The following HBS1L variants were observed in gnomAD, a reference collection of about 807,000 sequenced individuals.
The protein encoded by HBS1L is HBS1 like translational GTPase, also known as HBS1-like protein.
HBS1L carries 55 observed loss-of-function variants against 88.9 expected under a neutral mutation model. That is an observed-to-expected ratio of 0.62 (90% CI 0.50 to 0.77). The LOEUF (loss-of-function observed/expected upper bound fraction) is 0.77. Ranked by LOEUF, HBS1L falls within the 30% of genes least tolerant of loss-of-function variation. The pLI is 0.00. For missense variants in HBS1L, 741 were observed against 829.3 expected (o/e 0.89, Z 1.31); for synonymous variants, 267 against 288.5 (o/e 0.93, Z 0.76).
Position 134,982,577 on chromosome 6 carries a change from A to G in HBS1L, c.1493-15T>C, listed in dbSNP as rs1272349318. Reference sequence around the variant, plus strand: ...AGATCCTTGATCTGCAAAACATACCAAAATCTTATGGTTCATACAGCAATG... The same window carrying G: ...AGATCCTTGATCTGCAAAACATACCGAAATCTTATGGTTCATACAGCAATG... On this transcript the variant is annotated splice_polypyrimidine_tract_variant and intron_variant, in intron 12 of 17. Transcript: ENST00000367837. 1 of 1,450,966 alleles carries G rather than the reference A, an allele frequency of 6.9e-7. No homozygotes were observed. Among genetic ancestry groups the G allele is most frequent in the Admixed American group, 1.7e-5 (1 of 59,302 alleles). 89.9% of individuals were successfully genotyped at this position (1,450,966 alleles called of 1,614,324 possible).
chr6:135,050,788 ACT>A, intron 1 of HBS1L, 141 bp from the exon 2 acceptor site: 1 of 597,272 alleles, frequency 1.7e-6, no homozygotes, highest in Non-Finnish European at 3.0e-6. Context: ...TTTCAAAAAA[ACT>A]CTTAAGAATT....
Position 135,042,152 on chromosome 6 carries a change from GCTATGGTATAGC to G in HBS1L, c.110-38_110-27del, listed in dbSNP as rs773441546. The G allele has an allele frequency of 2.0e-4, 313 of 1,604,310 alleles. 1 individual carries two copies. The Middle Eastern group carries it at 4.1e-3, about 21-fold the overall frequency. On this transcript the variant is annotated intron_variant, in intron 2 of 17. Coordinates refer to ENST00000367837, the MANE Select transcript of HBS1L (RefSeq NM_006620.4). ...CTAGAATATAAAATGATCAAAGAAT[GCTATGGTATAGC>G]CATTTCCTATTAACTTTTTTTTACA...
intron 2 of HBS1L, among the ~76,000 whole-genome samples, chr6:135,043,118 T>C (rs184327160): frequency 5.3e-5 from 8 of 152,346 alleles, no homozygotes; most frequent in South Asian, 4.1e-4. Flanking sequence ...TGCCTGAGTA[T>C]CATAAATGAA....
intron 4 of HBS1L, among the ~76,000 whole-genome samples, chr6:135,006,911 A>G (rs1030357005): frequency 4.6e-5 from 7 of 151,370 alleles, no homozygotes; most frequent in African/African-American, 1.5e-4. Context: ...AAAGAAGAGG[A>G]AAAAAAAACA....
chr6:134,979,014 C>A (rs1774737218), intron 14 of HBS1L, among the ~76,000 whole-genome samples, 164 bp downstream of exon 14: 1 of 152,070 alleles, frequency 6.6e-6, no homozygotes, highest in African/African-American at 2.4e-5. Flanking sequence ...TGTGTGCTGA[C>A]ATGTATTAAT....
chr6:135,039,583 C>A lies in HBS1L; in HGVS notation c.420G>T (p.Lys140Asn). ...CAAGTAAAGGCATACCTTTTGCTATCTTTCCTGTAGATACTGTTGCCTCAT... is the reference window on the plus strand; with the variant it reads ...CAAGTAAAGGCATACCTTTTGCTATATTTCCTGTAGATACTGTTGCCTCAT... ...DKNEATVSTG[K>N]IAKGKPVDSQ... Residue 140 changes from lysine (K) to asparagine (N), a missense_variant, in exon 4 of 18, where the codon AAG becomes AAT. Lys to Asn is a moderately conservative substitution (Grantham distance 94, BLOSUM62 0). This residue lies in a region of HBS1L where 556 missense variants were observed against 598.4 expected (regional missense o/e 0.93). Transcript: ENST00000367837. The A allele has an allele frequency of 6.2e-7, 1 of 1,613,384 alleles. No homozygotes were observed. Among genetic ancestry groups the A allele is most frequent in the South Asian group, 1.1e-5 (1 of 90,896 alleles).
At chr6:135,054,298 A>G (rs971984037) in intron 1 of HBS1L, among the ~76,000 whole-genome samples, 1 of 152,266 alleles carries the variant, frequency 6.6e-6, no homozygotes, top group Non-Finnish European at 1.5e-5. Flanking sequence ...GGGAGAGAGG[A>G]GCTAGAAGCA....
intron 15 of HBS1L, among the ~76,000 whole-genome samples, chr6:134,972,101 G>A (rs1774507017): frequency 6.6e-6 from 1 of 152,068 alleles, no homozygotes; most frequent in African/African-American, 2.4e-5. Context: ...CCTTTCTAAA[G>A]TTCTAACATT....
intron 15 of HBS1L, among the ~76,000 whole-genome samples, chr6:134,971,719 C>G (rs1774493853): frequency 6.6e-6 from 1 of 151,826 alleles, no homozygotes; most frequent in Non-Finnish European, 1.5e-5. Context: ...TAATGTGCAG[C>G]ATAGTGTAAT....
At chr6:135,050,905 C>G (rs1483720115) in intron 1 of HBS1L, among the ~76,000 whole-genome samples, 9 of 152,210 alleles carry the variant, frequency 5.9e-5, no homozygotes, top group African/African-American at 2.2e-4. Context: ...GTTTTCACCT[C>G]ATAGGATCAA....
chr6:134,961,254 C>T lies in HBS1L; in HGVS notation c.*4025G>A, dbSNP rs1774182826. On this transcript the variant is annotated 3_prime_UTR_variant, in exon 18 of 18. Coordinates refer to ENST00000367837, the MANE Select transcript of HBS1L (RefSeq NM_006620.4). Reference sequence around the variant, plus strand: ...ACTTAATGCTTTTCTTTCCCTATTTCATATCCCCATATTTGGTGCAATAAT... The same window carrying T: ...ACTTAATGCTTTTCTTTCCCTATTTTATATCCCCATATTTGGTGCAATAAT... 1 of 152,118 alleles carries T rather than the reference C, an allele frequency of 6.6e-6. No individual in the cohort carries two copies. The highest frequency in any genetic ancestry group is 2.4e-5 in the African/African-American group (1 of 41,426). 9.4% of individuals were successfully genotyped at this position (152,118 alleles called of 1,614,324 possible).
At chr6:135,020,623 TA>T (rs1776044988) in intron 4 of HBS1L, among the ~76,000 whole-genome samples, 1 of 151,994 alleles carries the variant, frequency 6.6e-6, no homozygotes, top group African/African-American at 2.4e-5. Flanking sequence ...CTATTATGAA[TA>T]ATAATTAAAT....
In HBS1L at chr6:135,033,711, T is replaced by C. The variant is rs150492354; in HGVS notation, c.430+5862A>G. Reference sequence around the variant, plus strand: ...GGTCTACTATATGGTTTTAAAAGTATTGCATTTCCACTTGAAAATTACTTT... The same window carrying C: ...GGTCTACTATATGGTTTTAAAAGTACTGCATTTCCACTTGAAAATTACTTT... On this transcript the variant is annotated intron_variant, in intron 4 of 17. Coordinates refer to ENST00000367837, the MANE Select transcript of HBS1L (RefSeq NM_006620.4). Among the ~76,000 whole-genome samples the C allele has an allele frequency of 4.1e-3, 620 of 152,318 alleles. 2 individuals are homozygous for C. The highest frequency in any genetic ancestry group is 0.02 in the Middle Eastern group (6 of 294).
At chr6:134,996,590 T>C (rs1425430951) in intron 7 of HBS1L, among the ~76,000 whole-genome samples, 187 bp downstream of exon 7, 1 of 152,138 alleles carries the variant, frequency 6.6e-6, no homozygotes, top group Non-Finnish European at 1.5e-5. Context: ...TCTATAAAAT[T>C]CAGAAGAGTA....
chr6:135,029,333 GTA>G (rs1292847166), intron 4 of HBS1L, among the ~76,000 whole-genome samples: 2 of 126,654 alleles, frequency 1.6e-5, no homozygotes, highest in African/African-American at 2.7e-5. Flanking sequence ...AATTTCCTTA[GTA>G]TATAAATATG....
chr6:135,002,690 C>T, intron 5 of HBS1L, 44 bp downstream of exon 5: 2 of 907,406 alleles, frequency 2.2e-6, no homozygotes, highest in Non-Finnish European at 3.2e-6. Flanking sequence ...ATTTCAAAAA[C>T]TTGGGGGTGG....
At chr6:135,037,777 A>C (rs1265531307) in intron 4 of HBS1L, 1 of 1,550,406 alleles carries the variant, frequency 6.4e-7, no homozygotes, top group East Asian at 2.4e-5. Flanking sequence ...ATCATGAATT[A>C]GGTTAGCTAG....
rs1777198445 is a variant in HBS1L, at chr6:135,054,775, C to T, written c.-84G>A. 1.3e-6 allele frequency: 2 copies of T among 1,524,586 alleles called. No individual in the cohort carries two copies. Among genetic ancestry groups the T allele is most frequent in the African/African-American group, 1.4e-5 (1 of 73,146 alleles). 94.4% of individuals were successfully genotyped at this position (1,524,586 alleles called of 1,614,324 possible). A position where few individuals can be genotyped will look rare whatever the true frequency, so the allele number is the denominator to read the frequency against. ...ATACTGATAAGGCGCCAACTGCAGC[C>T]TGGAGAACCCCTATGCGCCATCTTG... On this transcript the variant is annotated 5_prime_UTR_variant, in exon 1 of 18. Transcript: ENST00000367837.
intron 7 of HBS1L, among the ~76,000 whole-genome samples, chr6:134,995,594 C>G (rs1445106874): frequency 6.6e-6 from 1 of 151,572 alleles, no homozygotes; most frequent in African/African-American, 2.4e-5. Context: ...GTAAACCATT[C>G]TAACTTAAAT....
Sources: allele counts gnomAD v4.1 joint callset (sites outside exome capture counted in the v4.1 genomes callset), GRCh38; gene constraint gnomAD v4.1.1; regional missense constraint gnomAD v4.1.1; transcripts MANE v1.5; gene names NCBI Gene and HGNC (gene_info 2026-07-23, HGNC 2026-07-21).